Variants in HK1 observed in about 807,000 individuals in gnomAD.
HK1 encodes the protein hexokinase 1, also known as hexokinase-1.
In HK1, 28 loss-of-function variants were observed where a neutral mutation model predicts 91.6. The ratio of observed to expected loss-of-function variants is 0.31; its 90% CI spans 0.23 to 0.42. HK1 has a LOEUF of 0.42. Among genes scored for constraint, HK1 ranks in the 10% least tolerant of loss-of-function variants. The probability of loss-of-function intolerance (pLI) is 1.00; values close to 1 mark genes in which losing one functional copy is unlikely to be tolerated. For synonymous variants in HK1, 430 were observed against 468.1 expected (o/e 0.92, Z 1.05); for missense variants, 770 against 1,219.8 (o/e 0.63, Z 5.49).
rs377009802 is a variant in HK1 at position 69,334,743 on chromosome 10, C to G, written c.64-9084C>G. Among the ~76,000 whole-genome samples, 83 of 152,312 alleles carry G rather than the reference C, an allele frequency of 5.4e-4. 1 individual carries two copies. The highest frequency in any genetic ancestry group is 1.9e-3 in the African/African-American group (80 of 41,576). ...ATGGCTCCTGTACCCCTGGCACTCACGGTCTAGCTGGCGGTGTGGACCATG... is the reference window on the plus strand; with the variant it reads ...ATGGCTCCTGTACCCCTGGCACTCAGGGTCTAGCTGGCGGTGTGGACCATG... On this transcript the variant is annotated intron_variant, in intron 1 of 17. Transcript: ENST00000359426.
intron 1 of HK1, among the ~76,000 whole-genome samples, chr10:69,279,119 A>G (rs570754350): frequency 3.3e-5 from 5 of 152,246 alleles, no homozygotes; most frequent in African/African-American, 1.2e-4. Context: ...TCGTCTCCTT[A>G]TGATGGTGTC....
chr10:69,292,662 C>G (rs868713857), intron 3 of HK1, among the ~76,000 whole-genome samples: 1 of 152,166 alleles, frequency 6.6e-6, no homozygotes, highest in Admixed American at 6.5e-5. Context: ...AGATAGGAGG[C>G]ACTTTACAGG....
chr10:69,389,312 G>A lies in HK1; in HGVS notation c.2035+16G>A. The A allele has an allele frequency of 6.3e-7, 1 of 1,581,004 alleles. No individual in the cohort carries two copies. The highest frequency in any genetic ancestry group is 8.6e-7 in the Non-Finnish European group (1 of 1,156,952). On this transcript the variant is annotated intron_variant, in intron 14 of 17. Transcript: ENST00000359426. ...CTCATTGTTGGTGAGTGTCCTGGAA[G>A]GTCTCTTTCCCTGCAGAAGGGAAGG...
chr10:69,285,265 A>C (rs1844971261), intron 2 of HK1, among the ~76,000 whole-genome samples: 1 of 152,080 alleles, frequency 6.6e-6, no homozygotes, highest in Non-Finnish European at 1.5e-5. Context: ...TCTACTGAAA[A>C]TACAAAAAAT....
In HK1 at chr10:69,401,658, G is replaced by A. The variant is rs1840398424; in HGVS notation, c.*523G>A. On this transcript the variant is annotated 3_prime_UTR_variant, in exon 18 of 18. Transcript: ENST00000359426. ...CCACTGTGGCCTGGCATCGCATCGT[G>A]GTGTGTCAATGCCACAAAATCGTGT... 1 of 350,100 alleles carries A rather than the reference G, an allele frequency of 2.9e-6. No individual in the cohort carries two copies. The highest frequency in any genetic ancestry group is 5.6e-6 in the Non-Finnish European group (1 of 179,182). 21.7% of individuals were successfully genotyped at this position (350,100 alleles called of 1,614,324 possible).
chr10:69,396,723 C>T (rs911104771), intron 16 of HK1, among the ~76,000 whole-genome samples: 3 of 152,128 alleles, frequency 2.0e-5, no homozygotes, highest in African/African-American at 2.4e-5. Context: ...CTCTTGTTGG[C>T]CAGGCTGGGG....
chr10:69,347,409 G>A (rs1484718098), intron 2 of HK1, among the ~76,000 whole-genome samples: 4 of 151,458 alleles, frequency 2.6e-5, no homozygotes, highest in South Asian at 2.1e-4. Flanking sequence ...AACCAGTACC[G>A]GTTCTCTTTG....
Position 69,376,989 on chromosome 10 carries a change from G to A in HK1, c.931G>A (p.Val311Ile). ...YLGELVRLIL[V>I]KMAKEGLLFE... ...GGGAGAGCTGGTTCGACTGATCCTA[G>A]TCAAGATGGCCAAGGAGGGCCTCTT... Residue 311 changes from valine to isoleucine, a missense_variant, in exon 8 of 18, where the codon GTC becomes ATC. By Grantham distance (29) the Val-to-Ile change is conservative (BLOSUM62 3). Around this residue, in one of 7 missense-constraint regions of HK1, gnomAD observed 449 missense variants for 665.1 expected, o/e 0.68. Transcript: ENST00000359426. 6.2e-7 allele frequency: 1 copy of A among 1,614,192 alleles called. No individual in the cohort carries two copies. Among genetic ancestry groups the A allele is most frequent in the Non-Finnish European group, 8.5e-7 (1 of 1,180,036 alleles).
chr10:69,357,732 C>T (rs1240068283), intron 2 of HK1, among the ~76,000 whole-genome samples: 1 of 152,138 alleles, frequency 6.6e-6, no homozygotes, highest in African/African-American at 2.4e-5. Context: ...GGATTACAGG[C>T]ATGAGCCACC....
At chr10:69,295,869 T>C (rs1038252069) in intron 4 of HK1, among the ~76,000 whole-genome samples, 4 of 152,134 alleles carry the variant, frequency 2.6e-5, no homozygotes, top group Admixed American at 2.0e-4. Flanking sequence ...ACAGGGAAGG[T>C]GCTTTCCAAG....
chr10:69,346,398 CAG>C (rs1848563699), intron 2 of HK1, among the ~76,000 whole-genome samples: 2 of 152,320 alleles, frequency 1.3e-5, no homozygotes, highest in East Asian at 1.9e-4. Context: ...CGACTAGACA[CAG>C]AGTTTTGGAA....
At chr10:69,375,803 TATGGC>T (rs1839068766) in intron 7 of HK1, among the ~76,000 whole-genome samples, 1 of 152,170 alleles carries the variant, frequency 6.6e-6, no homozygotes, top group African/African-American at 2.4e-5. Flanking sequence ...CTGGCTCACA[TATGGC>T]ATCGAGCCCT....
At chr10:69,273,449 A>G (rs1291097459) in intron 1 of HK1, among the ~76,000 whole-genome samples, 2 of 152,092 alleles carry the variant, frequency 1.3e-5, no homozygotes, top group Non-Finnish European at 2.9e-5. Flanking sequence ...ATCTCCTGAC[A>G]TCATGATCCG....
intron 12 of HK1, among the ~76,000 whole-genome samples, chr10:69,386,034 C>T (rs1202701511): frequency 6.6e-6 from 1 of 152,182 alleles, no homozygotes; most frequent in Non-Finnish European, 1.5e-5. Flanking sequence ...GATCTGGGCT[C>T]TTGTCCAGTA....
At chr10:69,295,727 T>C (rs1265596432) in intron 4 of HK1, 1 of 1,201,170 alleles carries the variant, frequency 8.3e-7, no homozygotes, top group Non-Finnish European at 1.2e-6. Flanking sequence ...ACATTTTCTG[T>C]AAAAGATAGT....
intron 1 of HK1, among the ~76,000 whole-genome samples, chr10:69,281,077 T>A (rs1324111736): frequency 6.6e-6 from 1 of 152,064 alleles, no homozygotes; most frequent in Non-Finnish European, 1.5e-5. Context: ...CATGAGAGAG[T>A]GAGAGAGAAC....
At chr10:69,374,003 C>T (rs1458558736) in intron 7 of HK1, among the ~76,000 whole-genome samples, 1 of 152,152 alleles carries the variant, frequency 6.6e-6, no homozygotes, top group African/African-American at 2.4e-5. Context: ...GCAGAGCCCC[C>T]ACCCCACACA....
rs59159380 is a variant in HK1 at position 69,300,482 on chromosome 10, T to C, written c.-66-287T>C. 7.8e-3 allele frequency: 6,588 copies of C among 849,482 alleles called. 370 individuals are homozygous for C. The African/African-American group carries it at 0.079, about 10-fold the overall frequency. The allele number at this position is 849,482 out of a possible 1,614,324, so 52.6% of individuals were successfully genotyped here. ...CCTGTGTGTTTTCGTCTTGCTTCTT[T>C]ATGGTCCATGATGCCAGCTGAGACT... On this transcript the variant is annotated intron_variant, in intron 4 of 21. Coordinates refer to the HK1 transcript ENST00000360289.
At chr10:69,359,796 G>A in intron 2 of HK1, 101 bp from the exon 3 acceptor site, 1 of 1,097,144 alleles carries the variant, frequency 9.1e-7, no homozygotes. Flanking sequence ...ATGTGGCAGG[G>A]GGAGGCAGAC....
Sources: allele counts gnomAD v4.1 joint callset (sites outside exome capture counted in the v4.1 genomes callset), GRCh38; gene constraint gnomAD v4.1.1; regional missense constraint gnomAD v4.1.1; transcripts MANE v1.5; gene names NCBI Gene and HGNC (gene_info 2026-07-23, HGNC 2026-07-21).